The following WDR64 variants were observed in gnomAD, a reference collection of about 807,000 sequenced individuals.
The protein encoded by WDR64 is WD repeat-containing protein 64.
A neutral mutation model predicts 139.3 loss-of-function variants in WDR64; 112 were observed. The observed-to-expected ratio is 0.80, with a 90% CI of 0.69 to 0.94. The LOEUF is 0.94. WDR64 is among the 40% of genes least tolerant of loss of function. The pLI, the probability that WDR64 is intolerant of heterozygous loss-of-function variation, is 0.00. For synonymous variants in WDR64, 444 were observed against 437.7 expected (o/e 1.01, Z -0.18); for missense variants, 1,206 against 1,293.1 (o/e 0.93, Z 1.03).
chr1:241,679,896 A>G (rs868666332), intron 6 of WDR64, among the ~76,000 whole-genome samples: 1 of 152,116 alleles, frequency 6.6e-6, no homozygotes, highest in Non-Finnish European at 1.5e-5. Context: ...GGGTATACTC[A>G]TGTTATCAAG....
intron 9 of WDR64, among the ~76,000 whole-genome samples, chr1:241,719,554 T>A (rs1360389482): frequency 6.6e-6 from 1 of 152,260 alleles, no homozygotes; most frequent in South Asian, 2.1e-4. Context: ...TGCTTTTTCA[T>A]GAGGCCCAAT....
At chr1:241,680,668 A>T (rs1666749537) in intron 6 of WDR64, among the ~76,000 whole-genome samples, 1 of 151,992 alleles carries the variant, frequency 6.6e-6, no homozygotes, top group African/African-American at 2.4e-5. Context: ...ATTCTCTTCG[A>T]TCTTTGTCCT....
At chr1:241,665,523 G>A (rs1665994520) in intron 2 of WDR64, among the ~76,000 whole-genome samples, 1 of 152,128 alleles carries the variant, frequency 6.6e-6, no homozygotes, top group Non-Finnish European at 1.5e-5. Context: ...TGGTAGCAAT[G>A]CCACAAAAGT....
chr1:241,772,113 T>A (rs966434406), intron 19 of WDR64, among the ~76,000 whole-genome samples: 22 of 149,314 alleles, frequency 1.5e-4, no homozygotes, highest in Non-Finnish European at 2.8e-4. Context: ...ATTACTGAAC[T>A]TCTTAGTCTC....
intron 15 of WDR64, among the ~76,000 whole-genome samples, 187 bp from the exon 16 acceptor site, chr1:241,766,031 T>G (rs1043739127): frequency 7.9e-5 from 12 of 152,202 alleles, no homozygotes; most frequent in Admixed American, 2.0e-4. Context: ...ATCTAATGAA[T>G]TCTGCCAGTT....
chr1:241,711,775 G>T, intron 8 of WDR64, 27 bp from the exon 9 acceptor site: 1 of 1,607,452 alleles, frequency 6.2e-7, no homozygotes, highest in Non-Finnish European at 8.5e-7. Flanking sequence ...AAATATATAT[G>T]TTTTCCATCT....
chr1:241,670,288 C>T (rs1355040103), intron 2 of WDR64, among the ~76,000 whole-genome samples: 1 of 151,618 alleles, frequency 6.6e-6, no homozygotes, highest in Non-Finnish European at 1.5e-5. Context: ...GGATTTGGAA[C>T]ACTTAAAGCA....
chr1:241,750,469 T>G (rs2148263793), intron 14 of WDR64, among the ~76,000 whole-genome samples: 1 of 152,326 alleles, frequency 6.6e-6, no homozygotes, highest in East Asian at 1.9e-4. Context: ...ACCTGCCTGA[T>G]GTAATATACT....
chr1:241,715,317 A>G (rs1185038162), intron 9 of WDR64, among the ~76,000 whole-genome samples: 1 of 152,200 alleles, frequency 6.6e-6, no homozygotes, highest in Non-Finnish European at 1.5e-5. Flanking sequence ...GAAGTGGGAT[A>G]CTTTCAGAAA....
At chr1:241,795,985 C>A (rs915460094) in intron 26 of WDR64, among the ~76,000 whole-genome samples, 1 of 152,148 alleles carries the variant, frequency 6.6e-6, no homozygotes, top group Non-Finnish European at 1.5e-5. Flanking sequence ...CAGTGTCTCA[C>A]ACCTGTAACC....
intron 12 of WDR64, among the ~76,000 whole-genome samples, chr1:241,742,476 C>T (rs944343942): frequency 2.0e-5 from 3 of 152,128 alleles, no homozygotes; most frequent in Admixed American, 1.3e-4. Context: ...ACCAAGATGG[C>T]GACGAGAGTG....
At chr1:241,686,234 G>C (rs1666998366) in intron 7 of WDR64, among the ~76,000 whole-genome samples, 1 of 152,120 alleles carries the variant, frequency 6.6e-6, no homozygotes, top group Non-Finnish European at 1.5e-5. Context: ...TTAAATTCTG[G>C]AGCTATCATA....
At position 241,794,502 on chromosome 1, in the gene WDR64, C is replaced by CTTTTTTTTTTTTTTTTTTTTTT. The variant is rs1659299229; in HGVS notation, c.2998-704_2998-703insTTTTTTTTTTTTTTTTTTTTTT. 5.7e-5 allele frequency among the ~76,000 whole-genome samples: 6 copies of CTTTTTTTTTTTTTTTTTTTTTT among 105,024 alleles called. 2 individuals carry two copies. Among genetic ancestry groups the CTTTTTTTTTTTTTTTTTTTTTT allele is most frequent in the African/African-American group, 4.0e-5 (1 of 25,072 alleles). The allele number at this position is 105,024 out of a possible 152,430, so 68.9% of individuals were successfully genotyped here. On this transcript the variant is annotated intron_variant, in intron 25 of 27. Transcript: ENST00000437684. Reference sequence around the variant, plus strand: ...AATGCCCCACATATTTTAAGCTTTACTGTTTTTTTTTTTTTTTTTTTTTTG... The same window carrying CTTTTTTTTTTTTTTTTTTTTTT: ...AATGCCCCACATATTTTAAGCTTTACTTTTTTTTTTTTTTTTTTTTTTTGTTTTTTTTTTTTTTTTTTTTTTG...
chr1:241,700,842 T>C (rs1330452784), intron 8 of WDR64, among the ~76,000 whole-genome samples: 1 of 152,204 alleles, frequency 6.6e-6, no homozygotes, highest in African/African-American at 2.4e-5. Context: ...GTATTATTAT[T>C]TGCTTACAGT....
intron 19 of WDR64, among the ~76,000 whole-genome samples, chr1:241,771,945 CAT>C (rs57383177): frequency 0.068 from 4,147 of 61,430 alleles, 79 homozygotes; most frequent in Admixed American, 0.12. Context: ...TACATACATA[CAT>C]ATATATATAT....
chr1:241,666,826 T>C (rs1343436735), intron 2 of WDR64, among the ~76,000 whole-genome samples: 1 of 152,176 alleles, frequency 6.6e-6, no homozygotes, highest in Non-Finnish European at 1.5e-5. Flanking sequence ...GAGCATAACA[T>C]GGGGATTATT....
rs963656994 is a variant in WDR64, at chr1:241,716,655, T to A, written c.1054+4774T>A. Among the ~76,000 whole-genome samples the A allele has an allele frequency of 4.8e-5, 5 of 104,668 alleles. No homozygotes were observed. In the South Asian group the frequency reaches 1.1e-3, roughly 23 times the overall value. 68.7% of individuals were successfully genotyped at this position (104,668 alleles called of 152,430 possible). A position where few individuals can be genotyped will look rare whatever the true frequency, so the allele number is the denominator to read the frequency against. On this transcript the variant is annotated intron_variant, in intron 9 of 27. Coordinates refer to ENST00000437684, the MANE Select transcript of WDR64 (RefSeq NM_001367482.1). ...AAGTATAGCATGAATCAACATATGATGATGATGATGATGATGATGATGGCG... is the reference window on the plus strand; with the variant it reads ...AAGTATAGCATGAATCAACATATGAAGATGATGATGATGATGATGATGGCG...
chr1:241,679,629 G>C, intron 6 of WDR64, 34 bp downstream of exon 6: 3 of 1,528,288 alleles, frequency 2.0e-6, no homozygotes, highest in Non-Finnish European at 2.7e-6. Flanking sequence ...AAAGAAATGA[G>C]ATTGTCTTTT....
At chr1:241,695,984 T>C (rs1284543945) in intron 8 of WDR64, among the ~76,000 whole-genome samples, 1 of 151,460 alleles carries the variant, frequency 6.6e-6, no homozygotes, top group African/African-American at 2.4e-5. Flanking sequence ...TATGGTGGCA[T>C]GCGCCTGTGG....
Sources: allele counts gnomAD v4.1 joint callset (sites outside exome capture counted in the v4.1 genomes callset), GRCh38; gene constraint gnomAD v4.1.1; transcripts MANE v1.5; gene names NCBI Gene and HGNC (gene_info 2026-07-23, HGNC 2026-07-21).